The following ZNF831 variants were observed in gnomAD, a reference collection of about 807,000 sequenced individuals.
ZNF831 encodes the protein chromosome 20 open reading frame 174.
A neutral mutation model predicts 95.8 loss-of-function variants in ZNF831; 59 were observed. The observed-to-expected ratio is 0.62, with a 90% CI of 0.50 to 0.77. The LOEUF (loss-of-function observed/expected upper bound fraction) is 0.77, where lower values mean the gene tolerates loss of function less well. Among genes scored for constraint, ZNF831 ranks in the 30% least tolerant of loss-of-function variants. The probability of loss-of-function intolerance (pLI) is 0.00; values close to 1 mark genes in which losing one functional copy is unlikely to be tolerated. For synonymous variants in ZNF831, 961 were observed against 925.5 expected, an observed-to-expected ratio of 1.04 and a Z score of -0.70; for missense variants, 2,205 against 2,164.0, an observed-to-expected ratio of 1.02 and a Z score of -0.38.
At chr20:59,220,341 G>A (rs555475608) in intron 4 of ZNF831, among the ~76,000 whole-genome samples, 1 of 152,338 alleles carries the variant, frequency 6.6e-6, no homozygotes, top group Admixed American at 6.5e-5. Flanking sequence ...GCGCCTTGCG[G>A]GGTCTGTTTC....
chr20:59,127,971 GC>G (rs1422783825), intron 1 of ZNF831, among the ~76,000 whole-genome samples: 1 of 152,244 alleles, frequency 6.6e-6, no homozygotes, highest in Non-Finnish European at 1.5e-5. Flanking sequence ...GCTGTAGCCA[GC>G]CTGGCACTGG....
At chr20:59,218,529 C>A (rs957773355) in intron 4 of ZNF831, among the ~76,000 whole-genome samples, 4 of 151,804 alleles carry the variant, frequency 2.6e-5, no homozygotes, top group African/African-American at 9.7e-5. Flanking sequence ...TGGGTGTGTT[C>A]GTCTCTCTCC....
chr20:59,124,334 C>T (rs1979098083), intron 1 of ZNF831, among the ~76,000 whole-genome samples: 1 of 152,178 alleles, frequency 6.6e-6, no homozygotes, highest in South Asian at 2.1e-4. Context: ...GGAAGCACAG[C>T]TGGGTACAGA....
chr20:59,212,617 T>TA (rs1985420815), intron 4 of ZNF831, among the ~76,000 whole-genome samples: 1 of 152,218 alleles, frequency 6.6e-6, no homozygotes, highest in African/African-American at 2.4e-5. Context: ...CTTAATCTCA[T>TA]AGACTGGGGC....
chr20:59,193,536 G>A lies in ZNF831; in HGVS notation c.2517G>A (p.Val839=), dbSNP rs1340903091. ...DLHSWKQPEP[V]SAETPGGPTQ... is the part of the protein sequence containing the mutation. ...ACAGCTGGAAGCAACCAGAGCCTGT[G>A]AGCGCAGAGACCCCAGGTGGGCCCA... Residue 839 remains valine, a synonymous_variant, in exon 2 of 6, where the codon GTG becomes GTA. Transcript: ENST00000371030. 6 of 1,606,162 alleles carry A rather than the reference G, an allele frequency of 3.7e-6. No individual in the cohort carries two copies. In the African/African-American group the frequency reaches 4.0e-5, roughly 11 times the overall value.
chr20:59,211,852 T>A (rs150965317), intron 4 of ZNF831, among the ~76,000 whole-genome samples: 2 of 152,112 alleles, frequency 1.3e-5, no homozygotes, highest in African/African-American at 4.8e-5. Context: ...TGAGGAGAGA[T>A]GACCTGTTTT....
At chr20:59,243,334 T>G (rs1987431388) in intron 4 of ZNF831, among the ~76,000 whole-genome samples, 1 of 152,232 alleles carries the variant, frequency 6.6e-6, no homozygotes, top group Non-Finnish European at 1.5e-5. Context: ...ACAGGTACTT[T>G]TAGAGGTAAA....
chr20:59,195,571 G>A (rs1422323660), intron 2 of ZNF831, among the ~76,000 whole-genome samples: 7 of 152,184 alleles, frequency 4.6e-5, no homozygotes, highest in Admixed American at 4.6e-4. Flanking sequence ...TCCCGGGGAG[G>A]TGGATTTAGG....
At chr20:59,183,504 C>T (rs1056277494) in intron 1 of ZNF831, among the ~76,000 whole-genome samples, 2 of 152,138 alleles carry the variant, frequency 1.3e-5, no homozygotes, top group Admixed American at 1.3e-4. Context: ...GTTAATGGTT[C>T]GTAGGGAAAA....
rs182298527 is a variant in ZNF831, at chr20:59,233,984, T to C, written c.4028-18994T>C. ...CGATGGGCCATCCTCTCCTGTCTGC[T>C]TCTTCTACTTCTGATGATGAGCAGC... On this transcript the variant is annotated intron_variant, in intron 4 of 5. Transcript: ENST00000371030. 9.1e-4 allele frequency among the ~76,000 whole-genome samples: 139 copies of C among 152,370 alleles called. 1 individual carries two copies. Among genetic ancestry groups the C allele is most frequent in the African/African-American group, 3.0e-3 (125 of 41,590 alleles).
chr20:59,168,402 G>A (rs1293066903), intron 1 of ZNF831, among the ~76,000 whole-genome samples: 1 of 145,612 alleles, frequency 6.9e-6, no homozygotes, highest in Non-Finnish European at 1.5e-5. Flanking sequence ...TGACTTTTGT[G>A]TGTTGATCTT....
At chr20:59,136,248 T>C (rs957321877) in intron 1 of ZNF831, among the ~76,000 whole-genome samples, 1 of 152,220 alleles carries the variant, frequency 6.6e-6, no homozygotes, top group African/African-American at 2.4e-5. Context: ...TACCCTCTGC[T>C]GCTGCTTCAT....
chr20:59,246,875 G>A (rs1421070813), intron 4 of ZNF831, among the ~76,000 whole-genome samples: 3 of 152,144 alleles, frequency 2.0e-5, no homozygotes, highest in Non-Finnish European at 4.4e-5. Flanking sequence ...CTCCCTGCCT[G>A]TGCAGCTGAA....
chr20:59,230,983 T>G (rs1361704197), intron 4 of ZNF831, among the ~76,000 whole-genome samples: 4 of 152,218 alleles, frequency 2.6e-5, no homozygotes, highest in Admixed American at 6.5e-5. Context: ...GTTCCTCTGC[T>G]CTCTTCACCA....
intron 4 of ZNF831, among the ~76,000 whole-genome samples, chr20:59,246,109 C>T (rs186420844): frequency 6.6e-6 from 1 of 152,268 alleles, no homozygotes; most frequent in East Asian, 1.9e-4. Context: ...AGTCTGTCTC[C>T]TTGCGCTCAC....
chr20:59,138,437 C>T (rs1017260126), intron 1 of ZNF831, among the ~76,000 whole-genome samples: 1 of 151,736 alleles, frequency 6.6e-6, no homozygotes, highest in African/African-American at 2.4e-5. Context: ...CCTTCAGTCT[C>T]GCTGGCCCCC....
chr20:59,134,905 A>G (rs952373684), intron 1 of ZNF831, among the ~76,000 whole-genome samples: 3 of 152,192 alleles, frequency 2.0e-5, no homozygotes, highest in Non-Finnish European at 4.4e-5. Flanking sequence ...GGTTGTGGTG[A>G]GGATTGAGGA....
intron 3 of ZNF831, among the ~76,000 whole-genome samples, chr20:59,198,949 G>T (rs1984321158): frequency 6.6e-6 from 1 of 152,070 alleles, no homozygotes; most frequent in Admixed American, 6.6e-5. Context: ...ATCTAGGCAT[G>T]GACGTCTTTG....
Position 59,254,169 on chromosome 20 carries a change from C to T in ZNF831, c.4460C>T (p.Ala1487Val), listed in dbSNP as rs781345039. 6.2e-7 allele frequency: 1 copy of T among 1,614,120 alleles called. No homozygotes were observed. The highest frequency in any genetic ancestry group is 1.7e-5 in the Admixed American group (1 of 60,022). ...SKGTFPHHDI[A>V]TSVAAVCISL... Reference sequence around the variant, plus strand: ...GGAACTTTTCCCCACCATGACATTGCTACCTCTGTGGCTGCCGTTTGTATT... The same window carrying T: ...GGAACTTTTCCCCACCATGACATTGTTACCTCTGTGGCTGCCGTTTGTATT... The change falls in exon 6 of 6, where the codon GCT becomes GTT. Residue 1487 changes from alanine to valine, a missense_variant. Coordinates refer to ENST00000371030, the MANE Select transcript of ZNF831 (RefSeq NM_178457.3). The surrounding 1 kb of genome is among the most constrained non-coding windows in gnomAD (Gnocchi z 4.5).
Sources: allele counts gnomAD v4.1 joint callset (sites outside exome capture counted in the v4.1 genomes callset), GRCh38; gene constraint gnomAD v4.1.1; non-coding constraint Gnocchi (gnomAD v3.1); transcripts MANE v1.5; gene names NCBI Gene and HGNC (gene_info 2026-07-23, HGNC 2026-07-21).